The following CIC variants were observed in gnomAD, a reference collection of about 807,000 sequenced individuals.
CIC encodes the protein capicua transcriptional repressor, also known as protein capicua homolog.
In CIC, 18 loss-of-function variants were observed where a neutral mutation model predicts 115.7. The ratio of observed to expected loss-of-function variants is 0.16; its 90% CI spans 0.11 to 0.23. The LOEUF is 0.23. Ranked by LOEUF, CIC falls within the 10% of genes least tolerant of loss-of-function variation. The pLI is 1.00. For synonymous variants in CIC, 1,076 were observed against 923.0 expected, an observed-to-expected ratio of 1.17 and a Z score of -3.01; for missense variants, 2,000 against 2,159.3, an observed-to-expected ratio of 0.93 and a Z score of 1.46.
chr19:42,284,683 C>T lies in CIC; in HGVS notation c.2795-2088C>T, dbSNP rs369985055. The T allele has an allele frequency of 2.1e-5, 33 of 1,536,414 alleles. No homozygotes were observed. In the African/African-American group the frequency reaches 3.6e-4, roughly 17 times the overall value. ...CCGCTGAGGAGGTGCGAGCCCCTGCCGGGTCCCCCCTGCGCCGGACCATGT... is the reference window on the plus strand; with the variant it reads ...CCGCTGAGGAGGTGCGAGCCCCTGCTGGGTCCCCCCTGCGCCGGACCATGT... On this transcript the variant is annotated intron_variant, in intron 2 of 20. Transcript: ENST00000681038.
In CIC at chr19:42,295,344, C is replaced by A; in HGVS notation, c.*153C>A. On this transcript the variant is annotated 3_prime_UTR_variant, in exon 21 of 21. Transcript: ENST00000681038. ...CTGCTCCTCTTGTAAATACCCCCTT[C>A]CCTCGAAGCTCCCTCCCGGTGCTGG... 3.0e-6 allele frequency: 2 copies of A among 672,034 alleles called. No homozygotes were observed. The highest frequency in any genetic ancestry group is 2.5e-6 in the Non-Finnish European group (1 of 403,356). 41.6% of individuals were successfully genotyped at this position (672,034 alleles called of 1,614,324 possible). A position where few individuals can be genotyped will look rare whatever the true frequency, so the allele number is the denominator to read the frequency against.
rs775477756 is a variant in CIC, at chr19:42,288,020, G to A, written c.3658+45G>A. 4.1e-5 allele frequency: 64 copies of A among 1,553,564 alleles called. No individual in the cohort carries two copies. The South Asian group carries it at 6.6e-4, about 16-fold the overall frequency. Reference sequence around the variant, plus strand: ...CTCCCACCCTGCCACCTCCCTCCCCGAGAGCCACCAGCTACCCCCTTGCTT... The same window carrying A: ...CTCCCACCCTGCCACCTCCCTCCCCAAGAGCCACCAGCTACCCCCTTGCTT... On this transcript the variant is annotated intron_variant, in intron 7 of 20. Transcript: ENST00000681038.
At chr19:42,284,457 G>C (rs1265936963) in intron 2 of CIC, 1 of 145,052 alleles carries the variant, frequency 6.9e-6, no homozygotes, top group Non-Finnish European at 1.5e-5. Flanking sequence ...GGGCGGGGCG[G>C]GGCCGGTGCG....
chr19:42,282,482 C>T (rs1445335062), intron 2 of CIC, among the ~76,000 whole-genome samples: 1 of 152,238 alleles, frequency 6.6e-6, no homozygotes, highest in Non-Finnish European at 1.5e-5. Context: ...GATCCAGGGC[C>T]TCTGGGTCTC....
chr19:42,284,900 T>TA, intron 2 of CIC: 1 of 873,830 alleles, frequency 1.1e-6, no homozygotes, highest in Non-Finnish European at 1.8e-6. Flanking sequence ...CGGGGAAAGT[T>TA]ACGGAGCTCG....
chr19:42,268,533 C>A (rs928959548), upstream of CIC: 3 of 152,264 alleles, frequency 2.0e-5, no homozygotes, highest in African/African-American at 7.2e-5. Context: ...TGCACCTCCC[C>A]CTCGTGCCGC....
intron 7 of CIC, among the ~76,000 whole-genome samples, chr19:42,288,669 C>T (rs1182176724): frequency 6.6e-6 from 1 of 152,118 alleles, no homozygotes; most frequent in African/African-American, 2.4e-5. Context: ...AGGAGGGCTG[C>T]CCCCCAGGGA....
In CIC at chr19:42,292,952, C is replaced by G; in HGVS notation, c.6197-4C>G. 1 of 1,613,890 alleles carries G rather than the reference C, an allele frequency of 6.2e-7. No individual in the cohort carries two copies. The highest frequency in any genetic ancestry group is 8.5e-7 in the Non-Finnish European group (1 of 1,180,004). On this transcript the variant is annotated splice_region_variant and splice_polypyrimidine_tract_variant and intron_variant, in intron 15 of 20. Transcript: ENST00000681038. Reference sequence around the variant, plus strand: ...GGCTCAGCAAACAATTTTCTCCCCACTAGCAGGTTCCATGACCTACAGCTT... The same window carrying G: ...GGCTCAGCAAACAATTTTCTCCCCAGTAGCAGGTTCCATGACCTACAGCTT...
rs1453165277 is a variant in CIC at position 42,280,356 on chromosome 19, C to T, written c.2794+5779C>T. 4.6e-5 allele frequency among the ~76,000 whole-genome samples: 7 copies of T among 152,286 alleles called. No individual in the cohort carries two copies. Among genetic ancestry groups the T allele is most frequent in the African/African-American group, 1.7e-4 (7 of 41,568 alleles). ...GCGAAGTAGTCGGGGAAACCGGGTGCTCCGGGGGCTGTGTAGAAGCGGACT... is the reference window on the plus strand; with the variant it reads ...GCGAAGTAGTCGGGGAAACCGGGTGTTCCGGGGGCTGTGTAGAAGCGGACT... On this transcript the variant is annotated intron_variant, in intron 2 of 20. Transcript: ENST00000681038. This position sits in a 1 kb window ranked among gnomAD's most constrained non-coding sequence, Gnocchi z 4.9.
chr19:42,291,268 C>G lies in CIC; in HGVS notation c.5227C>G (p.Gln1743Glu). ...ACAGTACATCCTGCCCACGCTGCCC[C>G]AGCAGCTTCAGGTGGCACCTGCCCC... ...QVQYILPTLP[Q>E]QLQVAPAPAP... The change falls in exon 11 of 21, where the codon CAG (glutamine) becomes GAG (glutamate). Residue 1743 changes from glutamine (Q) to glutamate (E), a missense_variant. By Grantham distance (29) the Gln-to-Glu change is conservative. Transcript: ENST00000681038. 6.2e-7 allele frequency: 1 copy of G among 1,612,648 alleles called. No individual in the cohort carries two copies.
At position 42,272,212 on chromosome 19, in the gene CIC, C is replaced by T. The variant is rs772173825; in HGVS notation, c.429C>T (p.Thr143=). The change falls in exon 2 of 21, where the codon ACC becomes ACT. Residue 143 remains threonine, a synonymous_variant. Coordinates refer to ENST00000681038, the MANE Select transcript of CIC (RefSeq NM_001386298.1). ...GGGCCCCTGAAGAGCGGGTGCGGAC[C>T]CCTGAGGAGGCCAGTGGCCTGGGGG... ...VAGAPEERVR[T]PEEASGLGVP... 5.8e-5 allele frequency: 23 copies of T among 398,634 alleles called. No homozygotes were observed. Among genetic ancestry groups the T allele is most frequent in the Admixed American group, 4.4e-4 (10 of 22,722 alleles). 24.7% of individuals were successfully genotyped at this position (398,634 alleles called of 1,614,324 possible).
In CIC at chr19:42,287,848, G is replaced by A. The variant is rs2147205812; in HGVS notation, c.3531G>A (p.Lys1177=). 6.2e-7 allele frequency: 1 copy of A among 1,613,676 alleles called. No homozygotes were observed. The highest frequency in any genetic ancestry group is 8.5e-7 in the Non-Finnish European group (1 of 1,179,800). ...ACTTCAAGGCCCACCCAGATTGGAA[G>A]TGGTGCAACAAGGACCGAAAGAAGT... The part of the protein sequence containing the change: ...EAHFKAHPDW[K]WCNKDRKKSS... The change falls in exon 7 of 21, where the codon AAG becomes AAA. Residue 1177 remains lysine (K), a synonymous_variant. Transcript: ENST00000681038. The surrounding 1 kb of genome is among the most constrained non-coding windows in gnomAD (Gnocchi z 8.7).
chr19:42,292,119 C>T lies in CIC; in HGVS notation c.5647C>T (p.Pro1883Ser). Residue 1883 changes from proline (P) to serine (S), a missense_variant, in exon 13 of 21, where the codon CCC becomes TCC. By Grantham distance (74) the Pro-to-Ser change is moderately conservative (BLOSUM62 -1). Around this residue, in one of 8 missense-constraint regions of CIC, gnomAD observed 1,466 missense variants for 1,390.4 expected, o/e 1.05. Coordinates refer to ENST00000681038, the MANE Select transcript of CIC (RefSeq NM_001386298.1). ...IQLTPVPVST[P>S]SGLVPPLSPA... ...GCTGACCCCGGTGCCTGTGAGCACA[C>T]CCAGCGGCCTGGTGCCGCCCCTGAG... 1 of 1,614,016 alleles carries T rather than the reference C, an allele frequency of 6.2e-7. No individual in the cohort carries two copies.
At position 42,288,964 on chromosome 19, in the gene CIC, T is replaced by C; in HGVS notation, c.3735T>C (p.Cys1245=). The change falls in exon 8 of 21, where the codon TGT becomes TGC. Residue 1245 remains cysteine, a synonymous_variant. Transcript: ENST00000681038. ...CCAAGGCTCCGGGGAGCAGCTCCTG[T>C]GGGGCAGAACGGCTACACACAGTTG... ...SDTKAPGSSS[C]GAERLHTVGG... is the part of the protein sequence containing the mutation. The C allele has an allele frequency of 6.2e-7, 1 of 1,614,016 alleles. No homozygotes were observed. The highest frequency in any genetic ancestry group is 8.5e-7 in the Non-Finnish European group (1 of 1,180,008).
chr19:42,284,688 C>T lies in CIC; in HGVS notation c.2795-2083C>T, dbSNP rs765046917. 7 of 1,536,478 alleles carry T rather than the reference C, an allele frequency of 4.6e-6. No individual in the cohort carries two copies. The East Asian group carries it at 7.3e-5, about 16-fold the overall frequency. On this transcript the variant is annotated intron_variant, in intron 2 of 20. Coordinates refer to ENST00000681038, the MANE Select transcript of CIC (RefSeq NM_001386298.1). ...GAGGAGGTGCGAGCCCCTGCCGGGT[C>T]CCCCCTGCGCCGGACCATGTATTCG...
chr19:42,290,609 C>T lies in CIC; in HGVS notation c.4568C>T (p.Pro1523Leu). Reference protein sequence around the residue: ...ESVGGLEPPGPSVIAAPPSGG... With the variant: ...ESVGGLEPPGLSVIAAPPSGG... ...GTGGGTGGCCTGGAGCCACCAGGCC[C>T]CTCAGTCATCGCGGCCCCTCCCAGC... Residue 1523 changes from proline (P) to leucine (L), a missense_variant, in exon 11 of 21, where the codon CCC (proline) becomes CTC (leucine). By Grantham distance (98) the Pro-to-Leu change is moderately conservative (BLOSUM62 -3). Transcript: ENST00000681038. 4 of 1,613,806 alleles carry T rather than the reference C, an allele frequency of 2.5e-6. No homozygotes were observed. The highest frequency in any genetic ancestry group is 2.2e-5 in the South Asian group (2 of 91,086).
chr19:42,290,016 C>G, intron 10 of CIC, 65 bp downstream of exon 10: 5 of 1,477,958 alleles, frequency 3.4e-6, no homozygotes, highest in South Asian at 1.2e-5. Flanking sequence ...ATGTCTGTTT[C>G]TCCCGGGCTT....
At chr19:42,278,376 C>T (rs1416119550) in intron 2 of CIC, among the ~76,000 whole-genome samples, 1 of 152,234 alleles carries the variant, frequency 6.6e-6, no homozygotes, top group African/African-American at 2.4e-5. Flanking sequence ...GTCTGGCGGT[C>T]TGGCTCTGTC....
rs779447350 is a variant in CIC, at chr19:42,287,792, C to T, written c.3493-18C>T. The T allele has an allele frequency of 6.2e-7, 1 of 1,613,980 alleles. No individual in the cohort carries two copies. The highest frequency in any genetic ancestry group is 1.7e-5 in the Admixed American group (1 of 60,006). On this transcript the variant is annotated intron_variant, in intron 6 of 20. Transcript: ENST00000681038. The surrounding 1 kb of genome is among the most constrained non-coding windows in gnomAD (Gnocchi z 8.7). ...GTGGGGTGGGTGAGTGAAGGGTTGC[C>T]CTGCCCTCTCCTGCCAGGTGAAGGA...
Sources: gnomAD v4.1 joint callset for allele counts (sites outside exome capture counted in the v4.1 genomes callset) on GRCh38, gnomAD v4.1.1 for gene constraint, gnomAD v4.1.1 regional missense constraint, Gnocchi (gnomAD v3.1) non-coding constraint, MANE v1.5 for transcripts, NCBI Gene and HGNC (gene_info 2026-07-23, HGNC 2026-07-21) for gene names.